Variants in KDM4B observed in about 807,000 individuals in gnomAD.
KDM4B encodes the protein lysine demethylase 4B.
KDM4B carries 32 observed loss-of-function variants against 125.2 expected under a neutral mutation model. That is an observed-to-expected ratio of 0.26 (90% confidence interval 0.19 to 0.34). KDM4B has a LOEUF of 0.34. Among genes scored for constraint, KDM4B ranks in the 10% least tolerant of loss-of-function variants. The pLI, the probability that KDM4B is intolerant of heterozygous loss-of-function variation, is 1.00. For missense variants in KDM4B, 1,190 were observed against 1,577.7 expected (o/e 0.75, Z 4.16); for synonymous variants, 721 against 677.9 (o/e 1.06, Z -0.99).
At chr19:4,978,351 G>A (rs1229121412) in intron 1 of KDM4B, among the ~76,000 whole-genome samples, 1 of 151,366 alleles carries the variant, frequency 6.6e-6, no homozygotes, top group Non-Finnish European at 1.5e-5. Flanking sequence ...TACTAAAAAT[G>A]CAAAACTTAG....
chr19:5,014,868 G>A (rs996601643), intron 1 of KDM4B, among the ~76,000 whole-genome samples: 4 of 151,900 alleles, frequency 2.6e-5, no homozygotes, highest in Admixed American at 2.0e-4. Flanking sequence ...GGTGGCGGGC[G>A]CCTGTAGTCC....
Position 5,081,121 on chromosome 19 carries a change from T to C in KDM4B, c.781-1246T>C, listed in dbSNP as rs1199563672. On this transcript the variant is annotated intron_variant, in intron 8 of 22. Coordinates refer to ENST00000159111, the MANE Select transcript of KDM4B (RefSeq NM_015015.3). This position sits in a 1 kb window ranked among gnomAD's most constrained non-coding sequence, Gnocchi z 4.2. ...CTGGATCAGTGGTTACGCCCAGAAC[T>C]CCGAGCAGCCTGTGATCCCTGCGTT... The C allele has an allele frequency of 6.6e-6, 1 of 152,114 alleles. No individual in the cohort carries two copies. The highest frequency in any genetic ancestry group is 1.5e-5 in the Non-Finnish European group (1 of 68,024). The allele number at this position is 152,114 out of a possible 1,614,324, so 9.4% of individuals were successfully genotyped here.
intron 10 of KDM4B, 148 bp downstream of exon 10, chr19:5,110,966 T>G (rs1289442010): frequency 3.1e-6 from 2 of 635,222 alleles, no homozygotes; most frequent in African/African-American, 3.7e-5. Context: ...TCCTCTTTCG[T>G]CCTCCTCCTC....
At chr19:4,985,671 C>T (rs1379145329) in intron 1 of KDM4B, among the ~76,000 whole-genome samples, 1 of 152,194 alleles carries the variant, frequency 6.6e-6, no homozygotes, top group Non-Finnish European at 1.5e-5. Context: ...TGGCAGGAGG[C>T]TTTGGGGGCC....
chr19:5,142,070 AC>A lies in KDM4B; in HGVS notation c.2551-1895del, dbSNP rs1220325555. The stretch of plus-strand genomic sequence containing the variant: ...CTGAGGACACAGCTTCATGGGTGGT[AC>A]CTAGCGGTGACCACCTGCTTCCTCC... On this transcript the variant is annotated intron_variant, in intron 18 of 22. Transcript: ENST00000159111. This position sits in a 1 kb window ranked among gnomAD's most constrained non-coding sequence, Gnocchi z 5.4. 4.2e-4 allele frequency among the ~76,000 whole-genome samples: 64 copies of A among 152,216 alleles called. No homozygotes were observed. The highest frequency in any genetic ancestry group is 5.9e-5 in the Non-Finnish European group (4 of 67,982).
At chr19:5,137,502 G>A in intron 16 of KDM4B, 119 bp from the exon 17 acceptor site, 1 of 1,245,218 alleles carries the variant, frequency 8.0e-7, no homozygotes, top group Non-Finnish European at 1.1e-6. Flanking sequence ...TCACTTTGGT[G>A]GCTGCTAGGT....
chr19:5,095,576 G>A (rs1438597797), intron 9 of KDM4B, among the ~76,000 whole-genome samples: 1 of 152,222 alleles, frequency 6.6e-6, no homozygotes, highest in Non-Finnish European at 1.5e-5. Flanking sequence ...CTGAGAGCTG[G>A]GGGCCCACGA....
At position 5,066,940 on chromosome 19, in the gene KDM4B, C is replaced by CGGGTCCT. The variant is rs1380684747; in HGVS notation, c.627-4056_627-4050dup. On this transcript the variant is annotated intron_variant, in intron 6 of 22. Transcript: ENST00000159111. ...AGTGGTGCAGAGGAGTGGCGATGCCCGGGTCCTGGGTCCTGGGTCCCGCGT... is the reference window on the plus strand; with the variant it reads ...AGTGGTGCAGAGGAGTGGCGATGCCCGGGTCCTGGGTCCTGGGTCCTGGGTCCCGCGT... 1.8e-4 allele frequency among the ~76,000 whole-genome samples: 28 copies of CGGGTCCT among 152,264 alleles called. 1 individual carries two copies. The highest frequency in any genetic ancestry group is 3.9e-4 in the Admixed American group (6 of 15,304).
At chr19:4,992,059 A>G (rs2035047494) in intron 1 of KDM4B, among the ~76,000 whole-genome samples, 3 of 152,194 alleles carry the variant, frequency 2.0e-5, no homozygotes, top group Admixed American at 1.3e-4. Flanking sequence ...GAGATGGAGG[A>G]CAAGATCCAA....
At chr19:5,007,442 A>G (rs1379791861) in intron 1 of KDM4B, among the ~76,000 whole-genome samples, 1 of 151,972 alleles carries the variant, frequency 6.6e-6, no homozygotes, top group Non-Finnish European at 1.5e-5. Context: ...TTGAGTTGCA[A>G]GAGTTGTTGA....
At chr19:5,108,618 A>G (rs2145978506) in intron 9 of KDM4B, among the ~76,000 whole-genome samples, 2 of 152,340 alleles carry the variant, frequency 1.3e-5, no homozygotes, top group East Asian at 3.9e-4. Context: ...TGTCAGGGCA[A>G]GGGAATAGTT....
chr19:4,992,369 TATTTG>T (rs1336247741), intron 1 of KDM4B, among the ~76,000 whole-genome samples: 1 of 152,230 alleles, frequency 6.6e-6, no homozygotes, highest in Admixed American at 6.6e-5. Flanking sequence ...CTTAAATTAA[TATTTG>T]AGATCTTCCT....
At chr19:5,054,015 C>T (rs1177736485) in intron 6 of KDM4B, among the ~76,000 whole-genome samples, 1 of 152,224 alleles carries the variant, frequency 6.6e-6, no homozygotes, top group Non-Finnish European at 1.5e-5. Context: ...CGACTGTGGC[C>T]ACAGCATCAG....
chr19:5,071,824 C>G (rs971885936), intron 7 of KDM4B, among the ~76,000 whole-genome samples: 2 of 152,222 alleles, frequency 1.3e-5, no homozygotes, highest in Non-Finnish European at 2.9e-5. Context: ...TTCATGACAC[C>G]TCACTGCTCC....
At chr19:4,995,465 G>A (rs943713238) in intron 1 of KDM4B, among the ~76,000 whole-genome samples, 1 of 152,138 alleles carries the variant, frequency 6.6e-6, no homozygotes, top group African/African-American at 2.4e-5. Flanking sequence ...TTTTAGTAGA[G>A]ACGGAGTTTC....
chr19:5,017,351 T>G (rs1599421923), intron 2 of KDM4B, among the ~76,000 whole-genome samples: 2 of 152,302 alleles, frequency 1.3e-5, no homozygotes, highest in Admixed American at 1.3e-4. Context: ...AAATAAAGTT[T>G]TATTGGCACA....
chr19:5,040,291 A>G (rs2036766044), intron 4 of KDM4B, among the ~76,000 whole-genome samples: 1 of 151,966 alleles, frequency 6.6e-6, no homozygotes. Flanking sequence ...CGTCCTCCAC[A>G]CCCTCCTGTG....
chr19:5,041,878 G>A (rs2036830404), intron 5 of KDM4B, among the ~76,000 whole-genome samples: 1 of 152,248 alleles, frequency 6.6e-6, no homozygotes, highest in Admixed American at 6.5e-5. Flanking sequence ...TGAGGCCACG[G>A]CCAGCCTTGG....
chr19:5,052,536 A>C (rs559375350), intron 6 of KDM4B, among the ~76,000 whole-genome samples: 144 of 151,826 alleles, frequency 9.5e-4, no homozygotes, highest in African/African-American at 3.5e-3. Context: ...CTGCTCCCTT[A>C]CCCCTCTGCT....
Sources: gnomAD v4.1 joint callset for allele counts (sites outside exome capture counted in the v4.1 genomes callset) on GRCh38, gnomAD v4.1.1 for gene constraint, Gnocchi (gnomAD v3.1) non-coding constraint, MANE v1.5 for transcripts, NCBI Gene and HGNC (gene_info 2026-07-23, HGNC 2026-07-21) for gene names.